UGT1A10: variants seen among roughly 807,000 people sequenced by gnomAD.
UGT1A10 encodes the protein UDP glucuronosyltransferase family 1 member A10.
Under a neutral mutation model 45.8 loss-of-function variants are expected in UGT1A10, and 49 were observed. The observed-to-expected ratio is 1.07, with a 90% CI of 0.85 to 1.36. UGT1A10 has a LOEUF of 1.36. Among genes scored for constraint, UGT1A10 ranks in the 40% most tolerant of loss-of-function variants. The probability of loss-of-function intolerance (pLI) is 0.00; values close to 1 mark genes in which losing one functional copy is unlikely to be tolerated. For synonymous variants in UGT1A10, 284 were observed against 249.7 expected, an observed-to-expected ratio of 1.14 and a Z score of -1.29; for missense variants, 745 against 668.6, an observed-to-expected ratio of 1.11 and a Z score of -1.26.
chr2:233,661,734 A>G (rs946205882), intron 1 of UGT1A10, among the ~76,000 whole-genome samples: 1 of 140,152 alleles, frequency 7.1e-6, no homozygotes, highest in African/African-American at 2.7e-5. Context: ...ATGATCGCCA[A>G]CCACAGCTGC....
At chr2:233,713,300 A>G in intron 1 of UGT1A10, 1 of 1,614,272 alleles carries the variant, frequency 6.2e-7, no homozygotes, top group Non-Finnish European at 8.5e-7. Context: ...TCTTTGAAAC[A>G]GAACATCTTC....
rs1208315583 is a variant in UGT1A10, at chr2:233,737,341, G to A, written c.856-29693G>A. 7.9e-5 allele frequency among the ~76,000 whole-genome samples: 12 copies of A among 152,224 alleles called. No homozygotes were observed. In the East Asian group the frequency reaches 2.1e-3, roughly 27 times the overall value. On this transcript the variant is annotated intron_variant, in intron 1 of 4. Coordinates refer to ENST00000344644, the MANE Select transcript of UGT1A10 (RefSeq NM_019075.4). ...CTGCACTAGCAGTGAGCAAGGCTCCGTGGGCATGGGAGCTGCTAAGCCAGG... is the reference window on the plus strand; with the variant it reads ...CTGCACTAGCAGTGAGCAAGGCTCCATGGGCATGGGAGCTGCTAAGCCAGG...
chr2:233,711,956 A>G (rs2076206805), intron 1 of UGT1A10, among the ~76,000 whole-genome samples: 1 of 152,196 alleles, frequency 6.6e-6, no homozygotes, highest in African/African-American at 2.4e-5. Context: ...TTAATTCTCC[A>G]TTTTGAAATT....
chr2:233,693,521 G>T (rs563235726), intron 1 of UGT1A10: 7 of 1,614,156 alleles, frequency 4.3e-6, no homozygotes, highest in Admixed American at 1.7e-5. Flanking sequence ...CCTCTTCAGG[G>T]GTTTTCCGTG....
chr2:233,731,428 C>G (rs2078158900), intron 1 of UGT1A10, among the ~76,000 whole-genome samples: 1 of 152,060 alleles, frequency 6.6e-6, no homozygotes, highest in South Asian at 2.1e-4. Context: ...AATGCCATCC[C>G]TCCCCCAGTC....
At chr2:233,758,946 A>G (rs1697025416) in intron 1 of UGT1A10, among the ~76,000 whole-genome samples, 3 of 152,254 alleles carry the variant, frequency 2.0e-5, no homozygotes, top group Admixed American at 1.3e-4. Flanking sequence ...ATCAGTCATC[A>G]GAATTTCCCC....
intron 1 of UGT1A10, among the ~76,000 whole-genome samples, chr2:233,678,266 A>G (rs1195139142): frequency 6.6e-6 from 1 of 152,234 alleles, no homozygotes; most frequent in Admixed American, 6.5e-5. Flanking sequence ...GCATCACACA[A>G]TATACTCAGG....
chr2:233,738,576 G>A (rs1326024752), intron 1 of UGT1A10, among the ~76,000 whole-genome samples: 1 of 152,168 alleles, frequency 6.6e-6, no homozygotes, highest in Non-Finnish European at 1.5e-5. Context: ...TTGAGAACTG[G>A]AGCAAAGGTC....
chr2:233,732,322 T>C (rs1402745036), intron 1 of UGT1A10, among the ~76,000 whole-genome samples: 3 of 152,262 alleles, frequency 2.0e-5, no homozygotes, highest in Non-Finnish European at 4.4e-5. Context: ...ATTTTGGCTT[T>C]TGTTGCCATT....
chr2:233,685,695 A>G (rs1461664154), intron 1 of UGT1A10, among the ~76,000 whole-genome samples: 3 of 152,218 alleles, frequency 2.0e-5, no homozygotes, highest in Non-Finnish European at 4.4e-5. Context: ...TTCTTAAGTT[A>G]AATAATTTTC....
intron 1 of UGT1A10, among the ~76,000 whole-genome samples, chr2:233,758,934 A>T (rs1366675557): frequency 1.3e-5 from 2 of 152,238 alleles, no homozygotes; most frequent in Non-Finnish European, 2.9e-5. Context: ...TTTTGACTTC[A>T]AATCAGTCAT....
At chr2:233,683,674 A>C (rs2074645836) in intron 1 of UGT1A10, among the ~76,000 whole-genome samples, 1 of 152,132 alleles carries the variant, frequency 6.6e-6, no homozygotes, top group South Asian at 2.1e-4. Context: ...TTTCTTATTA[A>C]CCTTTATTCC....
chr2:233,656,221 A>G (rs1384633242), intron 1 of UGT1A10, among the ~76,000 whole-genome samples: 1 of 152,222 alleles, frequency 6.6e-6, no homozygotes, highest in Non-Finnish European at 1.5e-5. Flanking sequence ...TGGAGACATC[A>G]TATTTAAATG....
rs201654358 is a variant in UGT1A10, at chr2:233,682,696, G to C, written c.855+45319G>C. The C allele has an allele frequency of 3.1e-6, 5 of 1,613,814 alleles. No homozygotes were observed. The East Asian group carries it at 1.1e-4, about 36-fold the overall frequency. ...ACAGCCACACATCAATTTGGTTGTT[G>C]CGAACTGACTTTGTTTTGGAGTATC... On this transcript the variant is annotated intron_variant, in intron 1 of 4. Coordinates refer to ENST00000344644, the MANE Select transcript of UGT1A10 (RefSeq NM_019075.4).
At chr2:233,727,462 C>G (rs1389495437) in intron 1 of UGT1A10, among the ~76,000 whole-genome samples, 2 of 152,116 alleles carry the variant, frequency 1.3e-5, no homozygotes, top group Non-Finnish European at 2.9e-5. Context: ...ACTTCACTGT[C>G]TAAATAAAAC....
intron 1 of UGT1A10, chr2:233,718,890 C>T (rs6755571): frequency 2.5e-6 from 4 of 1,613,968 alleles, no homozygotes; most frequent in East Asian, 2.2e-5. Flanking sequence ...CAGTGTCCAG[C>T]CCTGGGCTGA....
At chr2:233,649,174 T>C in intron 1 of UGT1A10, 1 of 436,496 alleles carries the variant, frequency 2.3e-6, no homozygotes, top group East Asian at 6.0e-5. Flanking sequence ...ATCCACGTGT[T>C]TGTTGGTTAG....
chr2:233,728,370 T>C (rs2077707382), intron 1 of UGT1A10, among the ~76,000 whole-genome samples: 1 of 152,190 alleles, frequency 6.6e-6, no homozygotes. Flanking sequence ...GAACCCACCA[T>C]GGGTCTTTGC....
At chr2:233,715,366 T>G (rs560578565) in intron 1 of UGT1A10, among the ~76,000 whole-genome samples, 1 of 150,042 alleles carries the variant, frequency 6.7e-6, no homozygotes, top group East Asian at 2.0e-4. Flanking sequence ...AGACTTATAT[T>G]TTCTTCACAG....
Sources: allele counts gnomAD v4.1 joint callset (sites outside exome capture counted in the v4.1 genomes callset), GRCh38; gene constraint gnomAD v4.1.1; transcripts MANE v1.5; gene names NCBI Gene and HGNC (gene_info 2026-07-23, HGNC 2026-07-21).